Variants in LY75 observed in about 807,000 individuals in gnomAD.
LY75 encodes the protein C-type lectin domain family 13 member B.
In LY75, 185 loss-of-function variants were observed where a neutral mutation model predicts 231.7. The ratio of observed to expected loss-of-function variants is 0.80; its 90% confidence interval spans 0.71 to 0.90. The LOEUF (loss-of-function observed/expected upper bound fraction) is 0.90, where lower values mean the gene tolerates loss of function less well. Among genes scored for constraint, LY75 ranks in the 40% least tolerant of loss-of-function variants. The pLI is 0.00. For missense variants in LY75, 1,947 were observed against 2,050.2 expected (o/e 0.95, Z 0.97); for synonymous variants, 668 against 689.0 (o/e 0.97, Z 0.48).
Position 159,904,730 on chromosome 2 carries a change from TCCCGCCCCG to T in LY75, c.-57_-49del. On this transcript the variant is annotated 5_prime_UTR_variant, in exon 1 of 35. Transcript: ENST00000263636. ...GGCCGGGTCCTCGGGCGCACGCGGC[TCCCGCCCCG>T]CCTGCTGAGCGCGGCCTGCCCCGCC... The T allele has an allele frequency of 5.8e-6, 8 of 1,369,054 alleles. No individual in the cohort carries two copies. Among genetic ancestry groups the T allele is most frequent in the Non-Finnish European group, 7.5e-6 (8 of 1,067,062 alleles). The allele number at this position is 1,369,054 out of a possible 1,614,324, so 84.8% of individuals were successfully genotyped here.
At chr2:159,886,036 A>G (rs1220078424) in intron 5 of LY75, among the ~76,000 whole-genome samples, 5 of 152,216 alleles carry the variant, frequency 3.3e-5, no homozygotes, top group African/African-American at 9.6e-5. Flanking sequence ...AGAGACCCCA[A>G]GAGTTTGAAA....
intron 8 of LY75, 100 bp downstream of exon 8, chr2:159,880,983 T>A: frequency 1.4e-6 from 2 of 1,441,618 alleles, no homozygotes; most frequent in South Asian, 1.4e-5. Context: ...TCTTACCTTT[T>A]ATTTTCCAGC....
At chr2:159,814,378 G>C (rs185441853) in intron 31 of LY75, among the ~76,000 whole-genome samples, 2 of 152,292 alleles carry the variant, frequency 1.3e-5, no homozygotes, top group Admixed American at 1.3e-4. Flanking sequence ...GCCAGGCGTA[G>C]TAGCTCACAC....
chr2:159,815,365 C>G, intron 31 of LY75, 40 bp downstream of exon 31: 1 of 1,549,492 alleles, frequency 6.5e-7, no homozygotes, highest in South Asian at 1.2e-5. Context: ...AATTATGTCA[C>G]ATTTTCATAA....
chr2:159,899,981 T>C (rs997039556), intron 1 of LY75, among the ~76,000 whole-genome samples: 1 of 152,132 alleles, frequency 6.6e-6, no homozygotes, highest in Non-Finnish European at 1.5e-5. Context: ...CCTGGGGGGA[T>C]TGACAGTGTG....
intron 4 of LY75, among the ~76,000 whole-genome samples, chr2:159,887,202 G>C (rs987504415): frequency 2.1e-5 from 2 of 96,672 alleles, no homozygotes; most frequent in Non-Finnish European, 4.7e-5. Context: ...TACAGAATGA[G>C]AGTGAGAGTC....
intron 13 of LY75, among the ~76,000 whole-genome samples, chr2:159,865,611 G>C (rs1574570339): frequency 6.6e-6 from 1 of 152,244 alleles, no homozygotes; most frequent in East Asian, 1.9e-4. Context: ...ATTTATGAAA[G>C]CTATCAAATG....
At chr2:159,887,817 C>T (rs1270566603) in intron 4 of LY75, among the ~76,000 whole-genome samples, 1 of 152,148 alleles carries the variant, frequency 6.6e-6, no homozygotes, top group Admixed American at 6.6e-5. Flanking sequence ...TACCATATTA[C>T]ATTACTTTCA....
chr2:159,873,833 T>A (rs1241242327), intron 12 of LY75, among the ~76,000 whole-genome samples: 2 of 129,614 alleles, frequency 1.5e-5, no homozygotes, highest in East Asian at 2.1e-4. Flanking sequence ...ACGTATATAT[T>A]TTGTAAAAAT....
intron 12 of LY75, among the ~76,000 whole-genome samples, chr2:159,873,616 T>C (rs1685083424): frequency 6.6e-6 from 1 of 152,020 alleles, no homozygotes; most frequent in African/African-American, 2.4e-5. Flanking sequence ...AGGCTAAATG[T>C]TTGTTGTCAT....
At chr2:159,854,767 G>T in intron 17 of LY75, 137 bp downstream of exon 17, 1 of 1,316,706 alleles carries the variant, frequency 7.6e-7, no homozygotes, top group Non-Finnish European at 1.0e-6. Flanking sequence ...CATACCAGTC[G>T]CTCACCTTCC....
chr2:159,831,626 A>C, intron 28 of LY75, 44 bp downstream of exon 28: 1 of 1,589,752 alleles, frequency 6.3e-7, no homozygotes, highest in Non-Finnish European at 8.6e-7. Flanking sequence ...TGTTATAATG[A>C]AGTACAAAAA....
intron 28 of LY75, among the ~76,000 whole-genome samples, chr2:159,821,793 T>C (rs1439055533): frequency 4.6e-5 from 7 of 152,270 alleles, no homozygotes; most frequent in East Asian, 1.9e-4. Context: ...CCAAGCAAGA[T>C]TGATGCAGAA....
intron 16 of LY75, among the ~76,000 whole-genome samples, chr2:159,858,072 T>C (rs1684597281): frequency 6.6e-6 from 1 of 152,242 alleles, no homozygotes; most frequent in African/African-American, 2.4e-5. Flanking sequence ...TTTCTCCTTT[T>C]GCTTAAAATA....
Position 159,854,558 on chromosome 2 carries a change from T to C in LY75, c.2420-23A>G, listed in dbSNP as rs765647560. ...GGTCTAAAGAAGAAGAAGAAAAAGA[T>C]TAGAATTATGACTATGCAAAGCAAA... On this transcript the variant is annotated intron_variant, in intron 17 of 34. Coordinates refer to ENST00000263636, the MANE Select transcript of LY75 (RefSeq NM_002349.4). 7.5e-6 allele frequency: 12 copies of C among 1,607,804 alleles called. No individual in the cohort carries two copies. In the Admixed American group the frequency reaches 1.7e-4, roughly 23 times the overall value.
intron 16 of LY75, among the ~76,000 whole-genome samples, chr2:159,855,634 C>G (rs961887594): frequency 6.6e-6 from 1 of 152,120 alleles, no homozygotes; most frequent in Non-Finnish European, 1.5e-5. Flanking sequence ...GTGGCTTAAC[C>G]CTCTCTGAGC....
intron 21 of LY75, 80 bp from the exon 22 acceptor site, chr2:159,850,547 A>G: frequency 1.3e-6 from 2 of 1,571,448 alleles, no homozygotes; most frequent in Non-Finnish European, 1.7e-6. Context: ...TTCATCTTTT[A>G]GAGGGCTGCT....
At chr2:159,887,959 CT>C (rs1685644016) in intron 4 of LY75, among the ~76,000 whole-genome samples, 1 of 152,130 alleles carries the variant, frequency 6.6e-6, no homozygotes, top group East Asian at 1.9e-4. Context: ...TTTATCGGCA[CT>C]TTTCATTCGC....
At chr2:159,830,359 G>T (rs1683612974) in intron 28 of LY75, among the ~76,000 whole-genome samples, 1 of 151,964 alleles carries the variant, frequency 6.6e-6, no homozygotes, top group African/African-American at 2.4e-5. Context: ...TGCTTTTGAT[G>T]CTCTATGGCC....
Sources: allele counts gnomAD v4.1 joint callset (sites outside exome capture counted in the v4.1 genomes callset), GRCh38; gene constraint gnomAD v4.1.1; transcripts MANE v1.5; gene names NCBI Gene and HGNC (gene_info 2026-07-23, HGNC 2026-07-21).